KCNN2: variants seen among roughly 807,000 people sequenced by gnomAD.
KCNN2 encodes potassium calcium-activated channel subfamily N member 2, also known as small conductance calcium-activated potassium channel protein 2.
Under a neutral mutation model 55.5 loss-of-function variants are expected in KCNN2, and 24 were observed. The ratio of observed to expected loss-of-function variants is 0.43; its 90% CI spans 0.31 to 0.61. The LOEUF (loss-of-function observed/expected upper bound fraction) is 0.61. Among genes scored for constraint, KCNN2 ranks in the 20% least tolerant of loss-of-function variants. The pLI, the probability that KCNN2 is intolerant of heterozygous loss-of-function variation, is 0.08. For missense variants in KCNN2, 754 were observed against 853.6 expected (o/e 0.88, Z 1.45); for synonymous variants, 431 against 336.1 (o/e 1.28, Z -3.09).
intron 2 of KCNN2, among the ~76,000 whole-genome samples, chr5:114,254,443 A>G (rs1419972837): frequency 6.6e-6 from 1 of 152,198 alleles, no homozygotes; most frequent in Non-Finnish European, 1.5e-5. Context: ...TCATTTCTTT[A>G]AAACTGATAT....
intron 2 of KCNN2, among the ~76,000 whole-genome samples, chr5:114,402,588 G>T (rs1377884063): frequency 6.6e-6 from 1 of 152,178 alleles, no homozygotes; most frequent in Non-Finnish European, 1.5e-5. Flanking sequence ...AAAGGGTGTG[G>T]CTGTAGGTAA....
chr5:114,134,457 TG>T (rs1250804265), intron 1 of KCNN2, among the ~76,000 whole-genome samples: 1 of 108,898 alleles, frequency 9.2e-6, no homozygotes, highest in Non-Finnish European at 2.0e-5. Context: ...AATCCAACCA[TG>T]ATTTATTTAT....
At chr5:114,161,502 G>A (rs1397541825) in intron 1 of KCNN2, among the ~76,000 whole-genome samples, 2 of 151,802 alleles carry the variant, frequency 1.3e-5, no homozygotes, top group African/African-American at 2.4e-5. Context: ...TTCTCGAGGA[G>A]TATCTTTGTG....
Position 114,362,885 on chromosome 5 carries a change from C to T in KCNN2, c.746C>T (p.Pro249Leu). 6.3e-7 allele frequency: 1 copy of T among 1,598,008 alleles called. No homozygotes were observed. The highest frequency in any genetic ancestry group is 8.5e-7 in the Non-Finnish European group (1 of 1,178,658). ...MDSEAQPLQP[P>L]ASVGGGGGAS... ...TCAGAGGCGCAGCCCCTGCAGCCCCCCGCGTCTGTCGGAGGAGGTGGCGGC... is the reference window on the plus strand; with the variant it reads ...TCAGAGGCGCAGCCCCTGCAGCCCCTCGCGTCTGTCGGAGGAGGTGGCGGC... Residue 249 changes from proline (P) to leucine (L), a missense_variant, in exon 1 of 8, where the codon CCC (proline) becomes CTC (leucine). Pro to Leu is a moderately conservative substitution (Grantham distance 98). Transcript: ENST00000673685.
chr5:114,174,363 C>T (rs913166062), intron 1 of KCNN2, among the ~76,000 whole-genome samples: 2 of 152,064 alleles, frequency 1.3e-5, no homozygotes, highest in Non-Finnish European at 2.9e-5. Flanking sequence ...CACAAACAGA[C>T]CTACTGCAGA....
chr5:114,079,533 C>A (rs1481490398), intron 1 of KCNN2, among the ~76,000 whole-genome samples: 1 of 152,152 alleles, frequency 6.6e-6, no homozygotes, highest in African/African-American at 2.4e-5. Flanking sequence ...TGTCTATTCA[C>A]TCTCTAAGTC....
chr5:114,269,852 C>T (rs1755290618), intron 2 of KCNN2, among the ~76,000 whole-genome samples: 1 of 152,068 alleles, frequency 6.6e-6, no homozygotes. Context: ...ATTCAGTATC[C>T]AGAGGAATGT....
At chr5:114,369,834 A>G (rs1279481318) in intron 2 of KCNN2, among the ~76,000 whole-genome samples, 1 of 152,146 alleles carries the variant, frequency 6.6e-6, no homozygotes, top group Non-Finnish European at 1.5e-5. Flanking sequence ...TAGGTTTACC[A>G]CAAATGGGTT....
intron 1 of KCNN2, among the ~76,000 whole-genome samples, chr5:114,108,067 G>C (rs557387544): frequency 1.3e-5 from 2 of 151,502 alleles, no homozygotes; most frequent in African/African-American, 4.9e-5. Context: ...TAAAAATAAT[G>C]GTGGCTCTCT....
At chr5:114,124,074 A>G (rs1751879826) in intron 1 of KCNN2, among the ~76,000 whole-genome samples, 1 of 152,212 alleles carries the variant, frequency 6.6e-6, no homozygotes, top group Non-Finnish European at 1.5e-5. Flanking sequence ...TTTATAACAT[A>G]TATATTTGGG....
upstream of KCNN2, chr5:114,361,277 G>C (rs910609363): frequency 1.3e-5 from 2 of 152,242 alleles, no homozygotes; most frequent in Non-Finnish European, 2.9e-5. Context: ...CCCCGGCCGG[G>C]GTGCCGAGGC....
intron 1 of KCNN2, among the ~76,000 whole-genome samples, chr5:114,109,732 A>G (rs1751556766): frequency 6.6e-6 from 1 of 152,060 alleles, no homozygotes; most frequent in Admixed American, 6.6e-5. Flanking sequence ...TAATGTCTCA[A>G]CAGAAACAGG....
chr5:114,101,545 G>A lies in KCNN2; in HGVS notation c.-271+45045G>A, dbSNP rs370832740. Among the ~76,000 whole-genome samples, 50 of 151,108 alleles carry A rather than the reference G, an allele frequency of 3.3e-4. No homozygotes were observed. The South Asian group carries it at 5.7e-3, about 17-fold the overall frequency. ...GGTTTGCTGCACCCATCAACCTGTCGTCTGCAATTAGGTATTTCTCCTAAT... is the reference window on the plus strand; with the variant it reads ...GGTTTGCTGCACCCATCAACCTGTCATCTGCAATTAGGTATTTCTCCTAAT... On this transcript the variant is annotated intron_variant, in intron 1 of 10. Coordinates refer to the KCNN2 transcript ENST00000512097.
intron 6 of KCNN2, among the ~76,000 whole-genome samples, chr5:114,491,706 C>T (rs1747866693): frequency 6.6e-6 from 1 of 152,034 alleles, no homozygotes; most frequent in East Asian, 1.9e-4. Flanking sequence ...TCCAGCAGTG[C>T]AGAAACATTT....
chr5:114,424,956 C>T (rs1414034576), intron 3 of KCNN2, among the ~76,000 whole-genome samples: 1 of 152,098 alleles, frequency 6.6e-6, no homozygotes, highest in Non-Finnish European at 1.5e-5. Flanking sequence ...AGTATACCTC[C>T]ATCTAAAGAC....
chr5:114,182,098 C>T (rs1405889715), intron 1 of KCNN2, among the ~76,000 whole-genome samples: 1 of 152,068 alleles, frequency 6.6e-6, no homozygotes, highest in Admixed American at 6.6e-5. Context: ...TATTTCAGGA[C>T]TCTTTACTGA....
chr5:114,074,306 G>GTA (rs1554066936), intron 1 of KCNN2, among the ~76,000 whole-genome samples: 12 of 134,916 alleles, frequency 8.9e-5, no homozygotes, highest in Admixed American at 8.6e-4. Flanking sequence ...GTGTGTGTGT[G>GTA]TGTGTGTGTG....
chr5:114,381,731 T>A (rs1758132539), intron 2 of KCNN2, among the ~76,000 whole-genome samples: 1 of 152,216 alleles, frequency 6.6e-6, no homozygotes, highest in Admixed American at 6.5e-5. Context: ...TGAGCAACAT[T>A]TGCGTTTGTT....
chr5:114,114,115 A>G lies in KCNN2; in HGVS notation c.-271+57615A>G, dbSNP rs548031735. On this transcript the variant is annotated intron_variant, in intron 1 of 10. Transcript: ENST00000512097. Reference sequence around the variant, plus strand: ...ATGTTTTTATTCTTCTGGTTTTTCTATTAATCACTTAGATTAGAAGTGGTT... The same window carrying G: ...ATGTTTTTATTCTTCTGGTTTTTCTGTTAATCACTTAGATTAGAAGTGGTT... 7.2e-5 allele frequency among the ~76,000 whole-genome samples: 11 copies of G among 152,220 alleles called. No homozygotes were observed. The South Asian group carries it at 2.1e-3, about 29-fold the overall frequency.
Sources: gnomAD v4.1 joint callset for allele counts (sites outside exome capture counted in the v4.1 genomes callset) on GRCh38, gnomAD v4.1.1 for gene constraint, MANE v1.5 for transcripts, NCBI Gene and HGNC (gene_info 2026-07-23, HGNC 2026-07-21) for gene names.